VEZT: variants seen among roughly 807,000 people sequenced by gnomAD.
VEZT encodes vezatin.
In VEZT, 39 loss-of-function variants were observed where a neutral mutation model predicts 79.9. The ratio of observed to expected loss-of-function variants is 0.49; its 90% CI spans 0.38 to 0.64. The LOEUF (loss-of-function observed/expected upper bound fraction) is 0.64, where lower values mean the gene tolerates loss of function less well. VEZT is among the 30% of genes least tolerant of loss of function. The pLI is 0.00. For synonymous variants in VEZT, 325 were observed against 327.6 expected (o/e 0.99, Z 0.09); for missense variants, 837 against 893.1 (o/e 0.94, Z 0.80).
intron 11 of VEZT, 140 bp from the exon 12 acceptor site, chr12:95,300,025 G>T: frequency 4.1e-6 from 2 of 485,098 alleles, no homozygotes; most frequent in Non-Finnish European, 6.7e-6. Flanking sequence ...AATTTTCATT[G>T]ATTTTACTAG....
chr12:95,296,316 G>T, intron 11 of VEZT, 58 bp downstream of exon 11: 1 of 1,476,542 alleles, frequency 6.8e-7, no homozygotes, highest in South Asian at 1.3e-5. Context: ...TTTCTTTCTT[G>T]AACCATGAAT....
chr12:95,256,044 T>G (rs955999327), intron 2 of VEZT, among the ~76,000 whole-genome samples: 1 of 152,088 alleles, frequency 6.6e-6, no homozygotes, highest in Non-Finnish European at 1.5e-5. Context: ...TTCCCTTGAC[T>G]GAAGTGATCT....
At chr12:95,220,317 T>A (rs1555226788) in intron 1 of VEZT, among the ~76,000 whole-genome samples, 1 of 152,172 alleles carries the variant, frequency 6.6e-6, no homozygotes, top group Non-Finnish European at 1.5e-5. Context: ...TATTTGGGCG[T>A]GGTGGCACAT....
At chr12:95,218,166 C>G (rs777576369) in intron 1 of VEZT, 1 of 315,208 alleles carries the variant, frequency 3.2e-6, no homozygotes, top group Non-Finnish European at 5.8e-6. Flanking sequence ...CTCTTCCTTC[C>G]TGGGAATGGA....
At chr12:95,261,616 G>A (rs190247373) in intron 3 of VEZT, among the ~76,000 whole-genome samples, 139 of 152,226 alleles carry the variant, frequency 9.1e-4, no homozygotes, top group Non-Finnish European at 1.6e-3. Flanking sequence ...TCACCATATT[G>A]GCCAGGCTGG....
chr12:95,269,855 CATAT>C, intron 5 of VEZT, 192 bp from the exon 6 acceptor site: 5 of 475,804 alleles, frequency 1.1e-5, no homozygotes, highest in African/African-American at 2.1e-5. Flanking sequence ...TCTATATATA[CATAT>C]ATATATATAT....
chr12:95,273,473 G>A lies in VEZT; in HGVS notation c.849-1269G>A, dbSNP rs146131771. Among the ~76,000 whole-genome samples, 1,419 of 152,312 alleles carry A rather than the reference G, an allele frequency of 9.3e-3. 9 individuals carry two copies. Among genetic ancestry groups the A allele is most frequent in the Non-Finnish European group, 0.014 (965 of 68,022 alleles). On this transcript the variant is annotated intron_variant, in intron 6 of 11. Transcript: ENST00000436874. ...ATGGAATTGCCTTTGCATTTGGATA[G>A]TGGAACTACATGGCTAAGGAATAGA... is the stretch of plus-strand genomic sequence containing the variant.
chr12:95,264,603 A>C (rs1052260232), intron 4 of VEZT, among the ~76,000 whole-genome samples: 3 of 151,650 alleles, frequency 2.0e-5, no homozygotes, highest in African/African-American at 7.3e-5. Flanking sequence ...TACCTGGCTA[A>C]TTTTTGTATT....
chr12:95,287,313 CTTTTTTCTT>C (rs986032415), intron 8 of VEZT, among the ~76,000 whole-genome samples: 3 of 151,850 alleles, frequency 2.0e-5, no homozygotes, highest in African/African-American at 7.3e-5. Flanking sequence ...TCTTATAAGC[CTTTTTTCTT>C]TTTTTTCTTT....
chr12:95,246,831 CAACTT>C (rs2061792057), intron 1 of VEZT, among the ~76,000 whole-genome samples: 1 of 152,124 alleles, frequency 6.6e-6, no homozygotes, highest in African/African-American at 2.4e-5. Flanking sequence ...TTCAAAAAAA[CAACTT>C]AAATAAAACA....
chr12:95,273,954 G>A (rs756939588), intron 6 of VEZT, among the ~76,000 whole-genome samples: 1 of 152,150 alleles, frequency 6.6e-6, no homozygotes, highest in African/African-American at 2.4e-5. Flanking sequence ...TGTCTGTAAG[G>A]ATGAGGGCAG....
chr12:95,289,093 T>TAA lies in VEZT; in HGVS notation c.1522+1238_1522+1239dup, dbSNP rs1381441339. Among the ~76,000 whole-genome samples, 82 of 107,634 alleles carry TAA rather than the reference T, an allele frequency of 7.6e-4. 5 individuals are homozygous for TAA. Among genetic ancestry groups the TAA allele is most frequent in the Non-Finnish European group, 8.6e-4 (44 of 50,938 alleles). 70.6% of individuals were successfully genotyped at this position (107,634 alleles called of 152,430 possible). On this transcript the variant is annotated intron_variant, in intron 9 of 11. Coordinates refer to ENST00000436874, the MANE Select transcript of VEZT (RefSeq NM_017599.4). The stretch of plus-strand genomic sequence containing the variant: ...CGAGACTCCGTCTCAAAAAAAAAAA[T>TAA]AAATAAATAAATAAATAAATAAATA...
chr12:95,255,772 C>G (rs12368315), intron 2 of VEZT, among the ~76,000 whole-genome samples: 16,591 of 152,104 alleles, frequency 0.11, 994 homozygotes, highest in East Asian at 0.25. Context: ...ACAATCATAC[C>G]CTGCCAGTTT....
chr12:95,274,668 G>A, intron 6 of VEZT, 74 bp from the exon 7 acceptor site: 1 of 1,471,562 alleles, frequency 6.8e-7, no homozygotes, highest in Non-Finnish European at 9.1e-7. Context: ...TAGGGAATGT[G>A]ATATAGGACA....
chr12:95,276,269 T>C (rs1231223947), intron 7 of VEZT, among the ~76,000 whole-genome samples: 4 of 131,586 alleles, frequency 3.0e-5, no homozygotes, highest in Admixed American at 7.5e-5. Context: ...CTTTTTTTTT[T>C]TTTTTTTTTT....
chr12:95,264,745 T>C (rs2065166730), intron 4 of VEZT, among the ~76,000 whole-genome samples: 1 of 151,988 alleles, frequency 6.6e-6, no homozygotes, highest in Non-Finnish European at 1.5e-5. Flanking sequence ...CCAGGGCAAA[T>C]ATTTAATAAG....
At chr12:95,252,269 G>A in intron 2 of VEZT, 198 bp downstream of exon 2, 1 of 446,434 alleles carries the variant, frequency 2.2e-6, no homozygotes, top group Non-Finnish European at 3.7e-6. Flanking sequence ...TATATCCAGT[G>A]AGGAAATAAT....
Position 95,282,583 on chromosome 12 carries a change from C to T in VEZT, c.1267C>T (p.Leu423=), listed in dbSNP as rs1374263511. The change falls in exon 8 of 12, where the codon CTG becomes TTG. Residue 423 remains leucine (L), a synonymous_variant. Transcript: ENST00000436874. Reference sequence around the variant, plus strand: ...CAAAACTCAACAGAAGTCAAGAGAACTGAATAATGTTCACACAGCAGTGCG... The same window carrying T: ...CAAAACTCAACAGAAGTCAAGAGAATTGAATAATGTTCACACAGCAGTGCG... The part of the protein sequence containing the change: ...LSKTQQKSRE[L]NNVHTAVRSL... The T allele has an allele frequency of 1.2e-6, 2 of 1,613,944 alleles. No homozygotes were observed. Among genetic ancestry groups the T allele is most frequent in the African/African-American group, 2.7e-5 (2 of 75,058 alleles).
At chr12:95,259,762 CA>C (rs2064066830) in intron 3 of VEZT, among the ~76,000 whole-genome samples, 1 of 152,170 alleles carries the variant, frequency 6.6e-6, no homozygotes, top group African/African-American at 2.4e-5. Flanking sequence ...CTTCCCAGTC[CA>C]AATAGTACTG....
Sources: gnomAD v4.1 joint callset for allele counts (sites outside exome capture counted in the v4.1 genomes callset) on GRCh38, gnomAD v4.1.1 for gene constraint, MANE v1.5 for transcripts, NCBI Gene and HGNC (gene_info 2026-07-23, HGNC 2026-07-21) for gene names.